The following CLASP2 variants were observed in gnomAD, a reference collection of about 807,000 sequenced individuals.
CLASP2 encodes the protein cytoplasmic linker associated protein 2.
Under a neutral mutation model 194.4 loss-of-function variants are expected in CLASP2, and 47 were observed. The ratio of observed to expected loss-of-function variants is 0.24; its 90% CI spans 0.19 to 0.31. CLASP2 has a LOEUF of 0.31. Ranked by LOEUF, CLASP2 falls within the 10% of genes least tolerant of loss-of-function variation. CLASP2 has a pLI of 1.00. For synonymous variants in CLASP2, 619 were observed against 633.5 expected (o/e 0.98, Z 0.34); for missense variants, 1,445 against 1,823.6 (o/e 0.79, Z 3.78).
intron 8 of CLASP2, among the ~76,000 whole-genome samples, chr3:33,634,671 G>A (rs2079779955): frequency 6.6e-6 from 1 of 152,172 alleles, no homozygotes; most frequent in Non-Finnish European, 1.5e-5. Flanking sequence ...ATTGCTGAGA[G>A]ATTTTAAGTA....
intron 19 of CLASP2, 117 bp downstream of exon 19, chr3:33,596,594 C>T: frequency 1.3e-6 from 1 of 783,966 alleles, no homozygotes. Flanking sequence ...TTAACATTAT[C>T]ACTAAATAAG....
chr3:33,699,796 C>T (rs566446105), intron 1 of CLASP2, among the ~76,000 whole-genome samples: 104 of 150,428 alleles, frequency 6.9e-4, no homozygotes, highest in African/African-American at 2.4e-3. Flanking sequence ...TTATATTGTA[C>T]TTACCTGCTT....
chr3:33,682,225 T>A (rs1262326201), intron 6 of CLASP2, among the ~76,000 whole-genome samples: 1 of 152,142 alleles, frequency 6.6e-6, no homozygotes, highest in East Asian at 1.9e-4. Flanking sequence ...GAACCCTAAC[T>A]ACATATTTGA....
At chr3:33,561,626 A>G (rs1399716325) in intron 27 of CLASP2, among the ~76,000 whole-genome samples, 1 of 152,220 alleles carries the variant, frequency 6.6e-6, no homozygotes, top group East Asian at 1.9e-4. Flanking sequence ...CTCCATACCC[A>G]TTTATGGGTT....
chr3:33,644,869 T>C lies in CLASP2; in HGVS notation c.750A>G (p.Gly250=), dbSNP rs920437275. 5.6e-6 allele frequency: 9 copies of C among 1,606,656 alleles called. No homozygotes were observed. In the East Asian group the frequency reaches 8.9e-5, roughly 16 times the overall value. ...KSFDDEESVD[G]NRPSSAASAF... ...CTGATGCAGCTGATGATGGCCTATT[T>C]CCATCCACTGATTCTTCATCATCGA... is the stretch of plus-strand genomic sequence containing the variant. Residue 250 remains glycine, a synonymous_variant, in exon 8 of 39, where the codon GGA becomes GGG. Transcript: ENST00000682230.
chr3:33,584,992 A>C, intron 21 of CLASP2, 72 bp from the exon 22 acceptor site: 1 of 1,368,636 alleles, frequency 7.3e-7, no homozygotes, highest in Non-Finnish European at 1.0e-6. Context: ...ATAAAAATTC[A>C]AGAAATATTG....
chr3:33,553,007 G>A (rs1347412623), intron 29 of CLASP2, among the ~76,000 whole-genome samples: 2 of 152,184 alleles, frequency 1.3e-5, no homozygotes, highest in Non-Finnish European at 2.9e-5. Flanking sequence ...TATTCAATGT[G>A]AATTTGCTGA....
chr3:33,708,486 GTA>G (rs1235271542), intron 1 of CLASP2, among the ~76,000 whole-genome samples: 419 of 18,208 alleles, frequency 0.023, 2 homozygotes, highest in East Asian at 0.09. Context: ...GTGTGTGTGT[GTA>G]TGTATATATA....
intron 23 of CLASP2, among the ~76,000 whole-genome samples, chr3:33,576,621 A>G (rs1576658025): frequency 6.6e-6 from 1 of 152,202 alleles, no homozygotes; most frequent in South Asian, 2.1e-4. Context: ...TGAATCACAG[A>G]GTAACCCAGG....
intron 2 of CLASP2, among the ~76,000 whole-genome samples, chr3:33,695,289 G>A (rs898818908): frequency 1.6e-5 from 2 of 128,290 alleles, no homozygotes; most frequent in African/African-American, 6.0e-5. Flanking sequence ...TCAAACTCCT[G>A]TCCTCAAGCA....
At chr3:33,584,601 T>G (rs1018678054) in intron 22 of CLASP2, 149 bp downstream of exon 22, 1 of 748,256 alleles carries the variant, frequency 1.3e-6, no homozygotes. Flanking sequence ...ATTCAACTCA[T>G]AAACTATTCT....
chr3:33,644,958 C>A, intron 7 of CLASP2, 55 bp from the exon 8 acceptor site: 1 of 1,519,568 alleles, frequency 6.6e-7, no homozygotes, highest in Non-Finnish European at 8.9e-7. Context: ...GTTCCATTTT[C>A]CCTAAAGCTC....
At chr3:33,539,188 T>C (rs961954847) in intron 32 of CLASP2, among the ~76,000 whole-genome samples, 1 of 152,172 alleles carries the variant, frequency 6.6e-6, no homozygotes, top group Non-Finnish European at 1.5e-5. Context: ...TCTTTCCACC[T>C]TGAAAAATGT....
At chr3:33,714,534 T>C (rs556659478) in intron 1 of CLASP2, among the ~76,000 whole-genome samples, 108 of 152,240 alleles carry the variant, frequency 7.1e-4, no homozygotes, top group African/African-American at 2.2e-3. Context: ...TTATCCATAA[T>C]TCCTCTCTTT....
At chr3:33,524,878 C>T (rs772895500) in intron 34 of CLASP2, among the ~76,000 whole-genome samples, 1 of 152,144 alleles carries the variant, frequency 6.6e-6, no homozygotes, top group Non-Finnish European at 1.5e-5. Flanking sequence ...AATAGTTGGA[C>T]TCTCACTATT....
intron 1 of CLASP2, among the ~76,000 whole-genome samples, chr3:33,702,106 C>A (rs555460163): frequency 1.3e-5 from 2 of 152,256 alleles, no homozygotes; most frequent in Admixed American, 1.3e-4. Flanking sequence ...TGATAGCCAA[C>A]TGGGTTCACT....
At chr3:33,592,582 G>T in intron 20 of CLASP2, 86 bp from the exon 21 acceptor site, 1 of 1,033,280 alleles carries the variant, frequency 9.7e-7, no homozygotes, top group Non-Finnish European at 1.5e-6. Context: ...CTATTTTTAG[G>T]TACTGCCAAA....
At chr3:33,644,945 T>C (rs1208821753) in intron 7 of CLASP2, 42 bp from the exon 8 acceptor site, 2 of 1,545,678 alleles carry the variant, frequency 1.3e-6, no homozygotes, top group African/African-American at 2.7e-5. Context: ...AGAACTAAGC[T>C]TTGTTCCATT....
intron 34 of CLASP2, among the ~76,000 whole-genome samples, chr3:33,523,712 AT>A (rs1346105018): frequency 6.6e-6 from 1 of 152,214 alleles, no homozygotes; most frequent in Non-Finnish European, 1.5e-5. Flanking sequence ...CTGTAACTCC[AT>A]TTTTTGTTTT....
Sources: allele counts gnomAD v4.1 joint callset (sites outside exome capture counted in the v4.1 genomes callset), GRCh38; gene constraint gnomAD v4.1.1; transcripts MANE v1.5; gene names NCBI Gene and HGNC (gene_info 2026-07-23, HGNC 2026-07-21).